The following CHST6 variants were observed in gnomAD, a reference collection of about 807,000 sequenced individuals.
CHST6 encodes carbohydrate sulfotransferase 6, also known as N-acetylglucosamine 6-O-sulfotransferase 5.
For missense variants in CHST6, 698 were observed against 586.2 expected, an observed-to-expected ratio of 1.19 and a Z score of -1.97; for synonymous variants, 309 against 276.4, an observed-to-expected ratio of 1.12 and a Z score of -1.17.
At chr16:75,485,972 C>T (rs1478670172) in intron 1 of CHST6, among the ~76,000 whole-genome samples, 1 of 152,244 alleles carries the variant, frequency 6.6e-6, no homozygotes, top group Non-Finnish European at 1.5e-5. Flanking sequence ...GCCTACACCA[C>T]ACATCTGATC....
At chr16:75,486,984 A>G (rs899323091) in intron 1 of CHST6, among the ~76,000 whole-genome samples, 3 of 152,228 alleles carry the variant, frequency 2.0e-5, no homozygotes, top group African/African-American at 7.2e-5. Flanking sequence ...GGCATACTTC[A>G]ATAAAAAGTA....
At position 75,473,726 on chromosome 16, in the gene CHST6, C is replaced by T. The variant is rs1043140082; in HGVS notation, c.*4915G>A. ...ATATTTACCATCCCATAGTTTACCA[C>T]CTTTGGAAGCCTAAAACTGTTGTCC... is the stretch of plus-strand genomic sequence containing the variant. On this transcript the variant is annotated 3_prime_UTR_variant, in exon 3 of 3. Coordinates refer to ENST00000332272, the MANE Select transcript of CHST6 (RefSeq NM_021615.5). 1 of 152,180 alleles carries T rather than the reference C, an allele frequency of 6.6e-6. No homozygotes were observed. Among genetic ancestry groups the T allele is most frequent in the Non-Finnish European group, 1.5e-5 (1 of 68,036 alleles). 9.4% of individuals were successfully genotyped at this position (152,180 alleles called of 1,614,324 possible).
At chr16:75,480,570 A>ATT (rs34408881) in intron 2 of CHST6, among the ~76,000 whole-genome samples, 2,278 of 149,510 alleles carry the variant, frequency 0.015, 19 homozygotes, top group Non-Finnish European at 0.024. Context: ...GCAGTGTATG[A>ATT]TTTTTTTTTT....
Position 75,478,522 on chromosome 16 carries a change from AG to A in CHST6, c.*118del. The A allele has an allele frequency of 1.0e-6, 1 of 966,414 alleles. No individual in the cohort carries two copies. Among genetic ancestry groups the A allele is most frequent in the Non-Finnish European group, 1.6e-6 (1 of 607,632 alleles). The allele number at this position is 966,414 out of a possible 1,614,324, so 59.9% of individuals were successfully genotyped here. On this transcript the variant is annotated 3_prime_UTR_variant, in exon 3 of 3. Transcript: ENST00000332272. ...AGTCCTTGCCTACTTGGGGAGGGGGAGGGGTCGTACCACAAACTCCTTGGTC... is the reference window on the plus strand; with the variant it reads ...AGTCCTTGCCTACTTGGGGAGGGGGAGGGTCGTACCACAAACTCCTTGGTC...
intron 1 of CHST6, among the ~76,000 whole-genome samples, chr16:75,486,110 T>C (rs1424465953): frequency 2.4e-4 from 37 of 151,038 alleles, no homozygotes; most frequent in Non-Finnish European, 1.5e-5. Flanking sequence ...TCACCCATGC[T>C]ATGAGTGCGC....
In CHST6 at chr16:75,478,372, G is replaced by C; in HGVS notation, c.*269C>G. ...CCCTTGAGTAGGAGCCAAGTCATCT[G>C]AACGCACACCCTGTGCCCAGAGGAG... On this transcript the variant is annotated 3_prime_UTR_variant, in exon 3 of 3. Transcript: ENST00000332272. 1 of 513,636 alleles carries C rather than the reference G, an allele frequency of 1.9e-6. No homozygotes were observed. Among genetic ancestry groups the C allele is most frequent in the Non-Finnish European group, 3.5e-6 (1 of 285,414 alleles). 31.8% of individuals were successfully genotyped at this position (513,636 alleles called of 1,614,324 possible).
chr16:75,483,976 A>C (rs1404764132), intron 1 of CHST6, among the ~76,000 whole-genome samples: 1 of 152,042 alleles, frequency 6.6e-6, no homozygotes, highest in Non-Finnish European at 1.5e-5. Context: ...GTGAGCAGAG[A>C]CTGTGTGACT....
chr16:75,493,212 T>TA (rs1418321545), intron 1 of CHST6, among the ~76,000 whole-genome samples: 3 of 150,988 alleles, frequency 2.0e-5, no homozygotes, highest in African/African-American at 7.3e-5. Context: ...CCTGCTTGGT[T>TA]AAAAAAAAAT....
At position 75,479,142 on chromosome 16, in the gene CHST6, G is replaced by A. The variant is rs1567409028; in HGVS notation, c.687C>T (p.Asn229=). 2 of 1,606,826 alleles carry A rather than the reference G, an allele frequency of 1.2e-6. No individual in the cohort carries two copies. Among genetic ancestry groups the A allele is most frequent in the South Asian group, 2.2e-5 (2 of 90,970 alleles). Residue 229 remains asparagine (N), a synonymous_variant, in exon 3 of 3, where the codon AAC becomes AAT. Transcript: ENST00000332272. ...ARDNGIVLGT[N]GTWVEADPGL... is the part of the protein sequence containing the mutation. ...CGGGGTCGGCCTCCACCCACGTGCCGTTGGTGCCCAGCACGATGCCGTTGT... is the reference window on the plus strand; with the variant it reads ...CGGGGTCGGCCTCCACCCACGTGCCATTGGTGCCCAGCACGATGCCGTTGT...
At chr16:75,486,615 C>G (rs529177526) in intron 1 of CHST6, among the ~76,000 whole-genome samples, 2 of 152,198 alleles carry the variant, frequency 1.3e-5, no homozygotes, top group African/African-American at 4.8e-5. Context: ...AGGAAACTGC[C>G]TAGGTTTAAA....
Position 75,475,010 on chromosome 16 carries a change from G to A in CHST6, c.*3631C>T. ...GGTGTTTTACCTTGTTGGCCAGGCT[G>A]GTCTCAAACTCCTGACCTCAAGTAA... On this transcript the variant is annotated 3_prime_UTR_variant, in exon 3 of 3. Transcript: ENST00000332272. 1 of 225,704 alleles carries A rather than the reference G, an allele frequency of 4.4e-6. No homozygotes were observed. Among genetic ancestry groups the A allele is most frequent in the Non-Finnish European group, 8.6e-6 (1 of 115,904 alleles). 14.0% of individuals were successfully genotyped at this position (225,704 alleles called of 1,614,324 possible). A position where few individuals can be genotyped will look rare whatever the true frequency, so the allele number is the denominator to read the frequency against.
intron 1 of CHST6, among the ~76,000 whole-genome samples, chr16:75,486,249 C>T (rs140049786): frequency 1.3e-5 from 2 of 152,354 alleles, no homozygotes; most frequent in East Asian, 3.9e-4. Context: ...CAACCCGGAA[C>T]TTTGGATTGT....
rs1424262388 is a variant in CHST6, at chr16:75,492,400, GC to G, written c.-92+2539del. 4.6e-5 allele frequency among the ~76,000 whole-genome samples: 7 copies of G among 152,346 alleles called. No homozygotes were observed. In the East Asian group the frequency reaches 1.4e-3, roughly 29 times the overall value. On this transcript the variant is annotated intron_variant, in intron 1 of 2. Transcript: ENST00000332272. ...GTGGGACTGTGCTTTTAGCACATTT[GC>G]CTGTTTCCCTAAGTATTGACAGAGC... is the stretch of plus-strand genomic sequence containing the variant.
intron 1 of CHST6, among the ~76,000 whole-genome samples, chr16:75,493,492 C>T (rs1161014862): frequency 1.4e-5 from 2 of 143,042 alleles, no homozygotes; most frequent in East Asian, 4.2e-4. Flanking sequence ...ACTCCAGCCT[C>T]GGTGACAGAG....
chr16:75,476,966 A>T lies in CHST6; in HGVS notation c.*1675T>A, dbSNP rs1458037586. ...GCCATGTTGGCCAGGCTGTTCTTGA[A>T]TGCCTGACCTCAGGTGATTCATCCC... On this transcript the variant is annotated 3_prime_UTR_variant, in exon 3 of 3. Transcript: ENST00000332272. 6.6e-6 allele frequency: 1 copy of T among 152,144 alleles called. No individual in the cohort carries two copies. The highest frequency in any genetic ancestry group is 1.9e-4 in the East Asian group (1 of 5,180). The allele number at this position is 152,144 out of a possible 1,614,324, so 9.4% of individuals were successfully genotyped here. A position where few individuals can be genotyped will look rare whatever the true frequency, so the allele number is the denominator to read the frequency against.
At position 75,479,711 on chromosome 16, in the gene CHST6, G is replaced by A. The variant is rs569912782; in HGVS notation, c.118C>T (p.Arg40Cys). 8 of 1,609,522 alleles carry A rather than the reference G, an allele frequency of 5.0e-6. No individual in the cohort carries two copies. Among genetic ancestry groups the A allele is most frequent in the African/African-American group, 4.0e-5 (3 of 74,990 alleles). The change falls in exon 3 of 3, where the codon CGC becomes TGC. Residue 40 changes from arginine (R) to cysteine (C), a missense_variant. Physicochemically the swap from Arg to Cys is radical, Grantham distance 180. Coordinates refer to ENST00000332272, the MANE Select transcript of CHST6 (RefSeq NM_021615.5). ...GAGGACAGCACCAGCACATGCACGC[G>A]CGCCTCGCCGCCTGCTGGGGACGAG... is the stretch of plus-strand genomic sequence containing the variant. ...GPSSPAGGEARVHVLVLSSWR... is the reference protein window; with the variant it reads ...GPSSPAGGEACVHVLVLSSWR...
rs1029853208 is a variant in CHST6, at chr16:75,495,335, C to G, written c.-487G>C. The G allele has an allele frequency of 1.3e-5, 2 of 152,530 alleles. No homozygotes were observed. Among genetic ancestry groups the G allele is most frequent in the Non-Finnish European group, 2.9e-5 (2 of 68,316 alleles). 9.4% of individuals were successfully genotyped at this position (152,530 alleles called of 1,614,324 possible). A position where few individuals can be genotyped will look rare whatever the true frequency, so the allele number is the denominator to read the frequency against. On this transcript the variant is annotated 5_prime_UTR_variant, in exon 1 of 3. Coordinates refer to ENST00000332272, the MANE Select transcript of CHST6 (RefSeq NM_021615.5). ...CTCTGGAACCCGGCACTGCGGCCCG[C>G]GCCCTCTACTCCCCGCGCGCCGGCC...
chr16:75,489,699 T>C (rs1001275609), intron 1 of CHST6, among the ~76,000 whole-genome samples: 1 of 152,052 alleles, frequency 6.6e-6, no homozygotes, highest in African/African-American at 2.4e-5. Flanking sequence ...AGAATGGGAC[T>C]TGTACCCAGA....
At chr16:75,487,767 C>A (rs1172784215) in intron 1 of CHST6, among the ~76,000 whole-genome samples, 1 of 146,648 alleles carries the variant, frequency 6.8e-6, no homozygotes, top group African/African-American at 2.5e-5. Flanking sequence ...CCACTGCACT[C>A]CAGCCTGGGT....
Sources: allele counts gnomAD v4.1 joint callset (sites outside exome capture counted in the v4.1 genomes callset), GRCh38; gene constraint gnomAD v4.1.1; transcripts MANE v1.5; gene names NCBI Gene and HGNC (gene_info 2026-07-23, HGNC 2026-07-21).